Variants in PIAS1 observed in about 807,000 individuals in gnomAD.
PIAS1 encodes E3 SUMO-protein ligase PIAS1.
PIAS1 carries 6 observed loss-of-function variants against 71.3 expected under a neutral mutation model. That is an observed-to-expected ratio of 0.08 (90% CI 0.05 to 0.17). PIAS1 has a LOEUF of 0.17. Among genes scored for constraint, PIAS1 ranks in the 10% least tolerant of loss-of-function variants. The probability of loss-of-function intolerance (pLI) is 1.00; values close to 1 mark genes in which losing one functional copy is unlikely to be tolerated. For missense variants in PIAS1, 555 were observed against 793.6 expected (o/e 0.70, Z 3.61); for synonymous variants, 303 against 292.9 (o/e 1.03, Z -0.35).
At chr15:68,083,347 A>G (rs2092246895) in intron 1 of PIAS1, among the ~76,000 whole-genome samples, 1 of 152,076 alleles carries the variant, frequency 6.6e-6, no homozygotes, top group South Asian at 2.1e-4. Context: ...ATTTCATTTT[A>G]AAAAATACTG....
intron 2 of PIAS1, among the ~76,000 whole-genome samples, chr15:68,119,311 G>A (rs1396533662): frequency 6.8e-6 from 1 of 148,082 alleles, no homozygotes; most frequent in Non-Finnish European, 1.5e-5. Flanking sequence ...CAGACGTGGT[G>A]GCGCACACCT....
chr15:68,161,893 G>GC (rs112677980), intron 7 of PIAS1, among the ~76,000 whole-genome samples: 151,718 of 151,718 alleles, frequency 1, 75,859 homozygotes, highest in Non-Finnish European at 1. Flanking sequence ...TCTCACCACT[G>GC]ACTCCAGCCT....
chr15:68,137,426 T>C (rs1023133220), intron 2 of PIAS1, among the ~76,000 whole-genome samples: 2 of 152,120 alleles, frequency 1.3e-5, no homozygotes, highest in Non-Finnish European at 2.9e-5. Flanking sequence ...TAGTTTGATA[T>C]GAGAATGACT....
Position 68,190,588 on chromosome 15 carries a change from G to A in PIAS1, c.*2753G>A, listed in dbSNP as rs187160376. 1 of 151,964 alleles carries A rather than the reference G, an allele frequency of 6.6e-6. No individual in the cohort carries two copies. The highest frequency in any genetic ancestry group is 1.5e-5 in the Non-Finnish European group (1 of 67,980). The allele number at this position is 151,964 out of a possible 1,614,324, so 9.4% of individuals were successfully genotyped here. A position where few individuals can be genotyped will look rare whatever the true frequency, so the allele number is the denominator to read the frequency against. On this transcript the variant is annotated 3_prime_UTR_variant, in exon 14 of 14. Transcript: ENST00000249636. The surrounding 1 kb of genome is among the most constrained non-coding windows in gnomAD (Gnocchi z 4.7). ...TAGTCAAGTTGCCATCATCCCCCTT[G>A]CCTTGGCCGTTCATAGTAGGTATGC...
At position 68,187,741 on chromosome 15, in the gene PIAS1, T is replaced by A. The variant is rs973758073; in HGVS notation, c.1862T>A (p.Leu621Gln). Residue 621 changes from leucine (L) to glutamine (Q), a missense_variant, in exon 14 of 14, where the codon CTA (leucine) becomes CAA (glutamine). Transcript: ENST00000249636. The surrounding 1 kb of genome is among the most constrained non-coding windows in gnomAD (Gnocchi z 5.3). ...AGCAGCCTGGTTTCTTCCAACAGCC[T>A]AAGGGAAAGCCATAGCCACACCGTC... ...SNSSLVSSNS[L>Q]RESHSHTVTN... The A allele has an allele frequency of 1.2e-6, 2 of 1,613,964 alleles. No homozygotes were observed. Among genetic ancestry groups the A allele is most frequent in the Non-Finnish European group, 1.7e-6 (2 of 1,179,880 alleles).
At chr15:68,120,550 G>A (rs190586192) in intron 2 of PIAS1, among the ~76,000 whole-genome samples, 1 of 151,932 alleles carries the variant, frequency 6.6e-6, no homozygotes, top group Non-Finnish European at 1.5e-5. Context: ...AATTCGTCAC[G>A]ACCCTACTTC....
intron 2 of PIAS1, among the ~76,000 whole-genome samples, chr15:68,110,752 G>A (rs1175773918): frequency 6.6e-6 from 1 of 151,862 alleles, no homozygotes; most frequent in African/African-American, 2.4e-5. Flanking sequence ...AAAAAAAAAA[G>A]GTATTTATTC....
chr15:68,134,450 G>C (rs1272900261), intron 2 of PIAS1, among the ~76,000 whole-genome samples: 10 of 52,460 alleles, frequency 1.9e-4, no homozygotes, highest in South Asian at 5.1e-4. Flanking sequence ...GGGCAGAGGC[G>C]CCCCTCACCT....
chr15:68,092,289 C>T (rs1040532102), intron 2 of PIAS1, among the ~76,000 whole-genome samples: 2 of 152,064 alleles, frequency 1.3e-5, no homozygotes, highest in East Asian at 1.9e-4. Context: ...CCTCCCACCT[C>T]GCCTCCTGAG....
At chr15:68,096,347 A>G (rs1257828887) in intron 2 of PIAS1, among the ~76,000 whole-genome samples, 2 of 151,976 alleles carry the variant, frequency 1.3e-5, no homozygotes, top group Non-Finnish European at 2.9e-5. Context: ...ATACGTTTTG[A>G]AATAAGGAAG....
intron 1 of PIAS1, among the ~76,000 whole-genome samples, chr15:68,073,886 AAG>A (rs1260606112): frequency 6.6e-6 from 1 of 152,206 alleles, no homozygotes; most frequent in Non-Finnish European, 1.5e-5. Flanking sequence ...GAGAAAAGTT[AAG>A]AGTCTCTTGC....
At chr15:68,149,800 A>T (rs1222488837) in intron 6 of PIAS1, among the ~76,000 whole-genome samples, 3 of 152,170 alleles carry the variant, frequency 2.0e-5, no homozygotes, top group African/African-American at 7.2e-5. Context: ...TGTCATATAA[A>T]TTATATTACC....
At chr15:68,143,269 C>T (rs892498359) in intron 4 of PIAS1, among the ~76,000 whole-genome samples, 1 of 152,008 alleles carries the variant, frequency 6.6e-6, no homozygotes, top group Non-Finnish European at 1.5e-5. Flanking sequence ...TAATCAGATA[C>T]TAAGTTGTAT....
chr15:68,065,001 C>T (rs769304271), intron 1 of PIAS1, among the ~76,000 whole-genome samples: 1 of 152,010 alleles, frequency 6.6e-6, no homozygotes, highest in Non-Finnish European at 1.5e-5. Context: ...GCCTCGGCCT[C>T]CCAAAGTGTT....
At chr15:68,150,543 G>C (rs2092837379) in intron 6 of PIAS1, among the ~76,000 whole-genome samples, 1 of 152,196 alleles carries the variant, frequency 6.6e-6, no homozygotes, top group Admixed American at 6.5e-5. Context: ...ATAGTTGCCA[G>C]TGAGAAATGT....
intron 4 of PIAS1, among the ~76,000 whole-genome samples, chr15:68,142,776 A>G (rs555946130): frequency 1.3e-5 from 2 of 152,142 alleles, no homozygotes; most frequent in East Asian, 1.9e-4. Flanking sequence ...CCTTATCTCC[A>G]TAAGAGGCAA....
chr15:68,137,859 G>A (rs2092744210), intron 2 of PIAS1, among the ~76,000 whole-genome samples: 1 of 152,128 alleles, frequency 6.6e-6, no homozygotes, highest in Admixed American at 6.5e-5. Context: ...ACAACTATTA[G>A]AAACAACTAA....
At chr15:68,130,894 A>G (rs1241461119) in intron 2 of PIAS1, among the ~76,000 whole-genome samples, 1 of 152,192 alleles carries the variant, frequency 6.6e-6, no homozygotes, top group Non-Finnish European at 1.5e-5. Flanking sequence ...AATAATAGCT[A>G]ACATTTATTG....
At chr15:68,119,369 C>T (rs1428276136) in intron 2 of PIAS1, among the ~76,000 whole-genome samples, 4 of 150,996 alleles carry the variant, frequency 2.6e-5, no homozygotes, top group Non-Finnish European at 4.4e-5. Flanking sequence ...TGCTTGAACC[C>T]GGGAGGCTGA....
Sources: gnomAD v4.1 joint callset for allele counts (sites outside exome capture counted in the v4.1 genomes callset) on GRCh38, gnomAD v4.1.1 for gene constraint, Gnocchi (gnomAD v3.1) non-coding constraint, MANE v1.5 for transcripts, NCBI Gene and HGNC (gene_info 2026-07-23, HGNC 2026-07-21) for gene names.